Variants in SEZ6L observed in about 807,000 individuals in gnomAD.
SEZ6L encodes the protein seizure 6-like protein.
A neutral mutation model predicts 106.2 loss-of-function variants in SEZ6L; 37 were observed. That is an observed-to-expected ratio of 0.35 (90% confidence interval 0.27 to 0.46). The LOEUF (loss-of-function observed/expected upper bound fraction) is 0.46, where lower values mean the gene tolerates loss of function less well. Among genes scored for constraint, SEZ6L ranks in the 20% least tolerant of loss-of-function variants. SEZ6L has a pLI of 1.00. For missense variants in SEZ6L, 1,172 were observed against 1,332.8 expected (o/e 0.88, Z 1.88); for synonymous variants, 541 against 570.4 (o/e 0.95, Z 0.73).
intron 1 of SEZ6L, among the ~76,000 whole-genome samples, chr22:26,216,153 C>G (rs147637288): frequency 6.6e-6 from 1 of 152,266 alleles, no homozygotes; most frequent in Non-Finnish European, 1.5e-5. Flanking sequence ...AGAAGCAAAG[C>G]CCAGAGAGGA....
intron 11 of SEZ6L, among the ~76,000 whole-genome samples, chr22:26,349,499 T>G (rs1473986883): frequency 1.3e-5 from 2 of 152,226 alleles, no homozygotes; most frequent in East Asian, 3.8e-4. Flanking sequence ...TGTGTGTACA[T>G]GCACATCATA....
rs142911740 is a variant in SEZ6L at position 26,206,117 on chromosome 22, A to G, written c.94+36354A>G. Among the ~76,000 whole-genome samples, 329 of 152,378 alleles carry G rather than the reference A, an allele frequency of 2.2e-3. 1 individual carries two copies. Among genetic ancestry groups the G allele is most frequent in the African/African-American group, 7.5e-3 (311 of 41,590 alleles). The stretch of plus-strand genomic sequence containing the variant: ...TAACCCTTCACAACTCTGCCATATC[A>G]TAAATTTCCAGGCTTATTCCCACCA... On this transcript the variant is annotated intron_variant, in intron 1 of 16. Transcript: ENST00000248933.
At chr22:26,291,049 A>G (rs2081091446) in intron 1 of SEZ6L, among the ~76,000 whole-genome samples, 1 of 152,264 alleles carries the variant, frequency 6.6e-6, no homozygotes, top group African/African-American at 2.4e-5. Context: ...TGGAACCAGA[A>G]ATAGCATTTG....
At chr22:26,365,597 A>AG in intron 13 of SEZ6L, 31 bp downstream of exon 13, 1 of 1,584,882 alleles carries the variant, frequency 6.3e-7, no homozygotes, top group Non-Finnish European at 8.6e-7. Flanking sequence ...CACAGGGTCC[A>AG]CGGGGCCTGG....
chr22:26,301,637 A>C (rs1303478558), intron 5 of SEZ6L, among the ~76,000 whole-genome samples: 1 of 152,116 alleles, frequency 6.6e-6, no homozygotes, highest in Non-Finnish European at 1.5e-5. Context: ...CTCACCTGGG[A>C]GGAGGACAGT....
In SEZ6L at chr22:26,309,828, C is replaced by T. The variant is rs186122502; in HGVS notation, c.1515-842C>T. On this transcript the variant is annotated intron_variant, in intron 6 of 16. Coordinates refer to ENST00000248933, the MANE Select transcript of SEZ6L (RefSeq NM_021115.5). ...TCCTGACCTCAGGTGATCCACCCAC[C>T]TTGGCCTCCCAAACTGCTGAGATTA... 3.3e-3 allele frequency among the ~76,000 whole-genome samples: 497 copies of T among 152,252 alleles called. 2 individuals are homozygous for T. The highest frequency in any genetic ancestry group is 0.011 in the African/African-American group (465 of 41,548).
rs539240639 is a variant in SEZ6L at position 26,317,485 on chromosome 22, C to T, written c.2015+3583C>T. Among the ~76,000 whole-genome samples the T allele has an allele frequency of 2.0e-3, 305 of 151,674 alleles. 3 individuals carry two copies. The highest frequency in any genetic ancestry group is 6.7e-3 in the African/African-American group (278 of 41,400). ...GATGGGTGGTTTTGCTTAAATAAGA[C>T]GGGCCCACATCTCCCTTTGGTGCCA... is the stretch of plus-strand genomic sequence containing the variant. On this transcript the variant is annotated intron_variant, in intron 9 of 16. Coordinates refer to ENST00000248933, the MANE Select transcript of SEZ6L (RefSeq NM_021115.5).
chr22:26,221,145 A>G (rs944505211), intron 1 of SEZ6L, among the ~76,000 whole-genome samples: 3 of 152,164 alleles, frequency 2.0e-5, no homozygotes, highest in African/African-American at 2.4e-5. Context: ...AATACAACCC[A>G]GATCCCTTCT....
At chr22:26,371,166 C>T (rs1410927001) in intron 13 of SEZ6L, among the ~76,000 whole-genome samples, 3 of 152,134 alleles carry the variant, frequency 2.0e-5, no homozygotes, top group South Asian at 2.1e-4. Flanking sequence ...TTGATGGAGA[C>T]ATCAGTTCTC....
intron 1 of SEZ6L, among the ~76,000 whole-genome samples, chr22:26,229,332 T>C (rs1185469777): frequency 1.3e-5 from 2 of 152,230 alleles, no homozygotes; most frequent in Non-Finnish European, 2.9e-5. Context: ...TTAACCTTTA[T>C]TGAGTGTCTC....
At chr22:26,285,242 C>CGG (rs2080898611) in intron 1 of SEZ6L, among the ~76,000 whole-genome samples, 4 of 151,224 alleles carry the variant, frequency 2.6e-5, no homozygotes, top group African/African-American at 4.9e-5. Context: ...GTAATAAGTG[C>CGG]AGAATGAATG....
chr22:26,377,843 C>T (rs1054816831), intron 16 of SEZ6L, 68 bp downstream of exon 16: 1 of 1,174,040 alleles, frequency 8.5e-7, no homozygotes, highest in African/African-American at 1.5e-5. Context: ...AACAATAAGA[C>T]AAAACATTTC....
chr22:26,348,652 AAGAAAGAAAGAAAG>A (rs1569473678), intron 11 of SEZ6L, among the ~76,000 whole-genome samples: 3 of 44,844 alleles, frequency 6.7e-5, no homozygotes, highest in Non-Finnish European at 1.3e-4. Flanking sequence ...AAGAAAAAGA[AAGAAAGAAAGAAAG>A]AAAGAAAGAA....
At chr22:26,270,463 G>GGT (rs60049781) in intron 1 of SEZ6L, among the ~76,000 whole-genome samples, 56,398 of 146,088 alleles carry the variant, frequency 0.39, 11,055 homozygotes, top group Non-Finnish European at 0.45. Context: ...AATTGTGAGG[G>GGT]GTGTGTGTGT....
At chr22:26,308,036 G>A (rs1207562906) in intron 6 of SEZ6L, among the ~76,000 whole-genome samples, 1 of 152,036 alleles carries the variant, frequency 6.6e-6, no homozygotes, top group Non-Finnish European at 1.5e-5. Context: ...AAGGTTAAAG[G>A]TCAACACACA....
At chr22:26,242,585 T>C (rs1435398635) in intron 1 of SEZ6L, among the ~76,000 whole-genome samples, 2 of 151,926 alleles carry the variant, frequency 1.3e-5, no homozygotes, top group African/African-American at 4.8e-5. Context: ...AAAAGAAAAA[T>C]AAAAGCAATG....
At chr22:26,268,501 A>G (rs1425721341) in intron 1 of SEZ6L, among the ~76,000 whole-genome samples, 1 of 152,174 alleles carries the variant, frequency 6.6e-6, no homozygotes. Context: ...CCTCTTCAGT[A>G]GCCAGGGGGA....
At position 26,235,620 on chromosome 22, in the gene SEZ6L, A is replaced by C. The variant is rs190347974; in HGVS notation, c.95-56786A>C. Among the ~76,000 whole-genome samples, 3 of 152,256 alleles carry C rather than the reference A, an allele frequency of 2.0e-5. No individual in the cohort carries two copies. In the East Asian group the frequency reaches 5.8e-4, roughly 30 times the overall value. The stretch of plus-strand genomic sequence containing the variant: ...ATGAGGTGATAAATAGACATTAGCC[A>C]GGTGAAAGAGAGGGAAGGCATTCTA... On this transcript the variant is annotated intron_variant, in intron 1 of 16. Coordinates refer to ENST00000248933, the MANE Select transcript of SEZ6L (RefSeq NM_021115.5).
At chr22:26,305,351 G>C (rs1156442922) in intron 5 of SEZ6L, among the ~76,000 whole-genome samples, 1 of 152,130 alleles carries the variant, frequency 6.6e-6, no homozygotes, top group Non-Finnish European at 1.5e-5. Context: ...CAAAGTGTTT[G>C]AGCACGTTTT....
Sources: allele counts gnomAD v4.1 joint callset (sites outside exome capture counted in the v4.1 genomes callset), GRCh38; gene constraint gnomAD v4.1.1; transcripts MANE v1.5; gene names NCBI Gene and HGNC (gene_info 2026-07-23, HGNC 2026-07-21).